PCDHGA9: variants seen among roughly 807,000 people sequenced by gnomAD.
PCDHGA9 encodes the protein protocadherin gamma-A9.
PCDHGA9 carries 37 observed loss-of-function variants against 62.5 expected under a neutral mutation model. That is an observed-to-expected ratio of 0.59 (90% CI 0.46 to 0.78). The LOEUF is 0.78. Among genes scored for constraint, PCDHGA9 ranks in the 30% least tolerant of loss-of-function variants. The pLI, the probability that PCDHGA9 is intolerant of heterozygous loss-of-function variation, is 0.00. For missense variants in PCDHGA9, 1,138 were observed against 1,166.2 expected (o/e 0.98, Z 0.35); for synonymous variants, 459 against 484.6 (o/e 0.95, Z 0.69).
intron 1 of PCDHGA9, chr5:141,421,581 C>T (rs2096585155): frequency 2.5e-6 from 4 of 1,613,712 alleles, no homozygotes; most frequent in Admixed American, 1.7e-5. Flanking sequence ...TGAAGATTTA[C>T]GGAGTGGAGG....
intron 1 of PCDHGA9, among the ~76,000 whole-genome samples, chr5:141,406,668 G>A (rs1415631899): frequency 3.3e-5 from 5 of 152,122 alleles, no homozygotes; most frequent in African/African-American, 7.2e-5. Flanking sequence ...TTAAATTATG[G>A]AGAATAGTAG....
chr5:141,465,142 T>TCCCTAA (rs2099097979), intron 1 of PCDHGA9, among the ~76,000 whole-genome samples: 3 of 151,990 alleles, frequency 2.0e-5, no homozygotes, highest in Non-Finnish European at 4.4e-5. Flanking sequence ...GTTTAGGGGA[T>TCCCTAA]ATATGAAGGG....
chr5:141,496,276 G>C (rs1189269883), intron 2 of PCDHGA9, among the ~76,000 whole-genome samples: 1 of 152,204 alleles, frequency 6.6e-6, no homozygotes, highest in Admixed American at 6.5e-5. Flanking sequence ...AAGACCTTCA[G>C]TTGGTCTGAG....
chr5:141,493,141 C>T lies in PCDHGA9; in HGVS notation c.2425-1666C>T, dbSNP rs1327581425. On this transcript the variant is annotated intron_variant, in intron 1 of 3. Coordinates refer to ENST00000573521, the MANE Select transcript of PCDHGA9 (RefSeq NM_018921.3). This position sits in a 1 kb window ranked among gnomAD's most constrained non-coding sequence, Gnocchi z 4.3. ...CTCCTAGGACTGTATTTTGAAACAC[C>T]CCCAGGTGATTTTGATAGCTGATTG... Among the ~76,000 whole-genome samples the T allele has an allele frequency of 1.4e-5, 2 of 146,284 alleles. No homozygotes were observed. Among genetic ancestry groups the T allele is most frequent in the East Asian group, 2.0e-4 (1 of 5,022 alleles).
At chr5:141,410,006 G>A (rs1201569227) in intron 1 of PCDHGA9, 8 of 1,613,156 alleles carry the variant, frequency 5.0e-6, no homozygotes, top group Non-Finnish European at 5.9e-6. Context: ...GGGACACAAC[G>A]CCTGGCTGTC....
At chr5:141,413,449 G>T in intron 1 of PCDHGA9, 2 of 1,614,120 alleles carry the variant, frequency 1.2e-6, no homozygotes, top group South Asian at 2.2e-5. Context: ...GATCACCGCG[G>T]GCAGGATAGA....
At chr5:141,422,871 G>C in intron 1 of PCDHGA9, 3 of 1,614,216 alleles carry the variant, frequency 1.9e-6, no homozygotes, top group South Asian at 1.1e-5. Flanking sequence ...GCAACGTGTC[G>C]CTGAGCCTGT....
In PCDHGA9 at chr5:141,409,272, T is replaced by G. The variant is rs2095250021; in HGVS notation, c.2424+3896T>G. ...ATCACTTCTCTCTCTGATCAGATTT[T>G]GGAGAATTCACCTCCAGGAATGGTT... On this transcript the variant is annotated intron_variant, in intron 1 of 3. Coordinates refer to ENST00000573521, the MANE Select transcript of PCDHGA9 (RefSeq NM_018921.3). 5 of 1,614,042 alleles carry G rather than the reference T, an allele frequency of 3.1e-6. No individual in the cohort carries two copies. In the South Asian group the frequency reaches 4.4e-5, roughly 14 times the overall value.
chr5:141,422,140 C>A, intron 1 of PCDHGA9: 1 of 1,586,776 alleles, frequency 6.3e-7, no homozygotes, highest in Non-Finnish European at 8.5e-7. Flanking sequence ...AGTTCAAGTA[C>A]GGGGGTCTCT....
intron 1 of PCDHGA9, chr5:141,413,855 C>A: frequency 3.7e-6 from 6 of 1,613,324 alleles, no homozygotes; most frequent in Non-Finnish European, 5.1e-6. Flanking sequence ...CCTCTCCGAT[C>A]TGGCACTGTC....
intron 1 of PCDHGA9, among the ~76,000 whole-genome samples, chr5:141,451,107 C>G (rs768308463): frequency 1.2e-4 from 18 of 152,118 alleles, no homozygotes; most frequent in Non-Finnish European, 2.4e-4. Context: ...GGATTACAGG[C>G]GTGAGCCACC....
At chr5:141,411,881 G>T (rs1299555823) in intron 1 of PCDHGA9, 2 of 152,114 alleles carry the variant, frequency 1.3e-5, no homozygotes, top group Middle Eastern at 3.2e-3. Flanking sequence ...ACATTTCTAA[G>T]AAATAAATGA....
rs752341952 is a variant in PCDHGA9 at position 141,431,380 on chromosome 5, T to C, written c.2424+26004T>C. 10 of 1,613,902 alleles carry C rather than the reference T, an allele frequency of 6.2e-6. No homozygotes were observed. The highest frequency in any genetic ancestry group is 8.5e-6 in the Non-Finnish European group (10 of 1,180,024). ...CCCTGGACCGCGAAGAAAAGGCTGCTCACCACCTGGTCCTTACGGCCTCCG... is the reference window on the plus strand; with the variant it reads ...CCCTGGACCGCGAAGAAAAGGCTGCCCACCACCTGGTCCTTACGGCCTCCG... On this transcript the variant is annotated intron_variant, in intron 1 of 3. Transcript: ENST00000573521. The surrounding 1 kb of genome is among the most constrained non-coding windows in gnomAD (Gnocchi z 4.8).
intron 1 of PCDHGA9, chr5:141,441,943 C>CT: frequency 1.2e-5 from 4 of 336,004 alleles, no homozygotes; most frequent in South Asian, 1.1e-4. Flanking sequence ...CTACCACGTG[C>CT]TGCAGGCCAG....
At chr5:141,423,256 G>A (rs751894091) in intron 1 of PCDHGA9, 3 of 1,613,816 alleles carry the variant, frequency 1.9e-6, no homozygotes, top group South Asian at 2.2e-5. Context: ...GGCGGACCTC[G>A]GCAGCCTCGA....
rs1236813956 is a variant in PCDHGA9, at chr5:141,480,634, TTTCAAAC to T, written c.2425-14170_2425-14164del. On this transcript the variant is annotated intron_variant, in intron 1 of 3. Transcript: ENST00000573521. The stretch of plus-strand genomic sequence containing the variant: ...ACTGGCATTTTCCCTAGAACAATGT[TTTCAAAC>T]TTGGTTGCACATTAAAATCACCTAG... Among the ~76,000 whole-genome samples the T allele has an allele frequency of 3.9e-5, 6 of 152,332 alleles. No individual in the cohort carries two copies. In the East Asian group the frequency reaches 1.2e-3, roughly 29 times the overall value.
chr5:141,433,914 C>A (rs2097664630), intron 1 of PCDHGA9, among the ~76,000 whole-genome samples: 1 of 151,702 alleles, frequency 6.6e-6, no homozygotes, highest in Admixed American at 6.6e-5. Context: ...TTACAATCAC[C>A]TCCAAATGAA....
intron 1 of PCDHGA9, among the ~76,000 whole-genome samples, chr5:141,444,029 A>T (rs977610555): frequency 2.6e-5 from 4 of 152,164 alleles, no homozygotes; most frequent in African/African-American, 9.7e-5. Flanking sequence ...AAAGGAATTC[A>T]GTAAATCAGA....
Position 141,489,902 on chromosome 5 carries a change from C to A in PCDHGA9, c.2425-4905C>A. ...ACTGCTGTGGATGGGGGGACCCCAGCCCGCTCAGGGACCACCCTTATCTCT... is the reference window on the plus strand; with the variant it reads ...ACTGCTGTGGATGGGGGGACCCCAGACCGCTCAGGGACCACCCTTATCTCT... On this transcript the variant is annotated intron_variant, in intron 1 of 3. Transcript: ENST00000573521. The surrounding 1 kb of genome is among the most constrained non-coding windows in gnomAD (Gnocchi z 4.5). 1 of 1,614,218 alleles carries A rather than the reference C, an allele frequency of 6.2e-7. No individual in the cohort carries two copies. The highest frequency in any genetic ancestry group is 8.5e-7 in the Non-Finnish European group (1 of 1,180,032).
Sources: gnomAD v4.1 joint callset for allele counts (sites outside exome capture counted in the v4.1 genomes callset) on GRCh38, gnomAD v4.1.1 for gene constraint, Gnocchi (gnomAD v3.1) non-coding constraint, MANE v1.5 for transcripts, NCBI Gene and HGNC (gene_info 2026-07-23, HGNC 2026-07-21) for gene names.